Variants in PECR observed in about 807,000 individuals in gnomAD.
The protein encoded by PECR is peroxisomal trans-2-enoyl-CoA reductase, also known as 2,4-dienoyl-CoA reductase-related protein.
PECR carries 30 observed loss-of-function variants against 35.3 expected under a neutral mutation model. The observed-to-expected ratio is 0.85, with a 90% CI of 0.64 to 1.15. The LOEUF (loss-of-function observed/expected upper bound fraction) is 1.15. Among genes scored for constraint, PECR ranks in the 50% most tolerant of loss-of-function variants. PECR has a pLI of 0.00. For synonymous variants in PECR, 148 were observed against 138.9 expected (o/e 1.07, Z -0.46); for missense variants, 392 against 370.8 (o/e 1.06, Z -0.47).
rs545617034 is a variant in PECR, at chr2:216,066,410, T to G, written c.233A>C (p.Gln78Pro). 3.8e-4 allele frequency: 609 copies of G among 1,613,262 alleles called. 3 individuals are homozygous for G. The South Asian group carries it at 6.3e-3, about 17-fold the overall frequency. Residue 78 changes from glutamine (Q) to proline (P), a missense_variant, in exon 2 of 8, where the codon CAA (glutamine) becomes CCA (proline). Coordinates refer to ENST00000265322, the MANE Select transcript of PECR (RefSeq NM_018441.6). ...CTCCTCCTCATTCCGGATGTTGCATTGTATGGGAATGACTCGTGCCTGCTT... is the reference window on the plus strand; with the variant it reads ...CTCCTCCTCATTCCGGATGTTGCATGGTATGGGAATGACTCGTGCCTGCTT... ...PTKQARVIPI[Q>P]CNIRNEEEVN...
At chr2:216,029,254 C>G (rs1694643312) in intron 7 of PECR, among the ~76,000 whole-genome samples, 1 of 152,086 alleles carries the variant, frequency 6.6e-6, no homozygotes, top group African/African-American at 2.4e-5. Context: ...CTGAGGCAGG[C>G]AGATCACGAG....
At chr2:216,060,182 A>G (rs1396690817) in intron 3 of PECR, among the ~76,000 whole-genome samples, 1 of 152,228 alleles carries the variant, frequency 6.6e-6, no homozygotes. Context: ...ATGAAAACAT[A>G]TAAAACCATT....
chr2:216,080,193 C>T (rs371226741), intron 1 of PECR, among the ~76,000 whole-genome samples: 51 of 151,868 alleles, frequency 3.4e-4, no homozygotes, highest in African/African-American at 1.0e-3. Context: ...GCGATTCTTG[C>T]GCCTCAACCT....
chr2:216,065,069 A>G lies in PECR; in HGVS notation c.424+243T>C. The G allele has an allele frequency of 9.3e-6, 5 of 535,230 alleles. No homozygotes were observed. In the South Asian group the frequency reaches 1.0e-4, roughly 11 times the overall value. 33.2% of individuals were successfully genotyped at this position (535,230 alleles called of 1,614,324 possible). A position where few individuals can be genotyped will look rare whatever the true frequency, so the allele number is the denominator to read the frequency against. On this transcript the variant is annotated intron_variant, in intron 3 of 7. Coordinates refer to ENST00000265322, the MANE Select transcript of PECR (RefSeq NM_018441.6). ...AACAAATTAATAGCTAAATCTATGT[A>G]CAGATCATTAATAATTTTCTCATAA...
chr2:216,070,332 C>T (rs768518495), intron 1 of PECR, among the ~76,000 whole-genome samples: 9 of 152,158 alleles, frequency 5.9e-5, no homozygotes, highest in Non-Finnish European at 1.0e-4. Flanking sequence ...CCACTATTCT[C>T]GGAATTTTGA....
chr2:216,076,252 G>A (rs866805839), intron 1 of PECR, among the ~76,000 whole-genome samples: 1 of 152,132 alleles, frequency 6.6e-6, no homozygotes, highest in Non-Finnish European at 1.5e-5. Flanking sequence ...GATTGCAGTG[G>A]CGTGATCTCG....
chr2:216,044,962 G>C (rs911793185), intron 6 of PECR, among the ~76,000 whole-genome samples: 7 of 152,186 alleles, frequency 4.6e-5, no homozygotes, highest in Admixed American at 1.3e-4. Flanking sequence ...CAGGATCATT[G>C]CAATTGTAAG....
intron 3 of PECR, among the ~76,000 whole-genome samples, chr2:216,060,039 T>C (rs1695303629): frequency 6.6e-6 from 1 of 152,238 alleles, no homozygotes; most frequent in African/African-American, 2.4e-5. Flanking sequence ...TATTTTTACA[T>C]TATTTAAATC....
chr2:216,043,058 C>T lies in PECR; in HGVS notation c.826+846G>A, dbSNP rs192999891. On this transcript the variant is annotated intron_variant, in intron 7 of 7. Transcript: ENST00000265322. ...GTATGTGTATATATATATACACATA[C>T]GTATATATGTATGTATATATATACA... Among the ~76,000 whole-genome samples, 29 of 93,430 alleles carry T rather than the reference C, an allele frequency of 3.1e-4. 1 individual carries two copies. The highest frequency in any genetic ancestry group is 1.2e-3 in the African/African-American group (26 of 22,366). The allele number at this position is 93,430 out of a possible 152,430, so 61.3% of individuals were successfully genotyped here. A position where few individuals can be genotyped will look rare whatever the true frequency, so the allele number is the denominator to read the frequency against.
intron 7 of PECR, among the ~76,000 whole-genome samples, chr2:216,030,857 G>T (rs573223251): frequency 6.7e-6 from 1 of 148,698 alleles, no homozygotes; most frequent in African/African-American, 2.5e-5. Flanking sequence ...TGATTCCATA[G>T]TTTAATTAAT....
chr2:216,031,135 G>A (rs1490726330), intron 7 of PECR, among the ~76,000 whole-genome samples: 2 of 151,980 alleles, frequency 1.3e-5, no homozygotes. Flanking sequence ...GGCCAGACAT[G>A]GTGGTTCACG....
chr2:216,080,276 A>G (rs986971599), intron 1 of PECR, among the ~76,000 whole-genome samples: 2 of 152,040 alleles, frequency 1.3e-5, no homozygotes, highest in African/African-American at 4.8e-5. Flanking sequence ...GAGTTTCACC[A>G]TGTTGGCCAG....
At chr2:216,043,596 T>G (rs544700195) in intron 7 of PECR, among the ~76,000 whole-genome samples, 1 of 152,170 alleles carries the variant, frequency 6.6e-6, no homozygotes, top group African/African-American at 2.4e-5. Flanking sequence ...TCTTTAAAAC[T>G]ATAGCATGCT....
At chr2:216,050,243 T>C (rs1344757669) in intron 5 of PECR, among the ~76,000 whole-genome samples, 1 of 152,142 alleles carries the variant, frequency 6.6e-6, no homozygotes, top group African/African-American at 2.4e-5. Flanking sequence ...AAAAAAATTG[T>C]ATCTCACAGG....
intron 4 of PECR, among the ~76,000 whole-genome samples, chr2:216,054,698 G>A (rs886923413): frequency 1.3e-5 from 2 of 152,152 alleles, no homozygotes; most frequent in Admixed American, 1.3e-4. Flanking sequence ...ATCAAAATCA[G>A]AATATGAGTC....
intron 1 of PECR, among the ~76,000 whole-genome samples, chr2:216,072,250 G>A (rs1559218778): frequency 1.3e-5 from 2 of 152,108 alleles, no homozygotes; most frequent in Non-Finnish European, 2.9e-5. Context: ...CTATTTGTTA[G>A]GCTAACACAC....
chr2:216,081,371 T>C (rs1211783400), intron 1 of PECR, among the ~76,000 whole-genome samples: 1 of 152,226 alleles, frequency 6.6e-6, no homozygotes, highest in African/African-American at 2.4e-5. Context: ...CTCTTCTTAC[T>C]GCCTACCTGG....
chr2:216,031,015 T>C (rs990918586), intron 7 of PECR, among the ~76,000 whole-genome samples: 3 of 151,978 alleles, frequency 2.0e-5, no homozygotes, highest in Non-Finnish European at 4.4e-5. Flanking sequence ...GCTCTCTCTC[T>C]CTCATTTGCT....
chr2:216,030,952 TCTCTCACACA>T (rs1287395937), intron 7 of PECR, among the ~76,000 whole-genome samples: 1,925 of 106,856 alleles, frequency 0.018, 51 homozygotes, highest in African/African-American at 0.074. Flanking sequence ...TCTCTCTCTC[TCTCTCACACA>T]CACACACACA....
Sources: allele counts gnomAD v4.1 joint callset (sites outside exome capture counted in the v4.1 genomes callset), GRCh38; gene constraint gnomAD v4.1.1; transcripts MANE v1.5; gene names NCBI Gene and HGNC (gene_info 2026-07-23, HGNC 2026-07-21).